TENM2: variants seen among roughly 807,000 people sequenced by gnomAD.
The protein encoded by TENM2 is teneurin transmembrane protein 2, also known as teneurin-2.
Under a neutral mutation model 245.2 loss-of-function variants are expected in TENM2, and 52 were observed. The ratio of observed to expected loss-of-function variants is 0.21; its 90% confidence interval spans 0.17 to 0.27. TENM2 has a LOEUF of 0.27. Ranked by LOEUF, TENM2 falls within the 10% of genes least tolerant of loss-of-function variation. The pLI, the probability that TENM2 is intolerant of heterozygous loss-of-function variation, is 1.00. For missense variants in TENM2, 3,046 were observed against 3,666.8 expected (o/e 0.83, Z 4.37); for synonymous variants, 1,363 against 1,438.9 (o/e 0.95, Z 1.19).
At chr5:167,246,422 A>C in the TENM2 span, among the ~76,000 whole-genome samples, 1 of 152,068 alleles carries the variant, frequency 6.6e-6, no homozygotes, top group African/African-American at 2.4e-5. Context: ...AATTACATAG[A>C]TATATGTCTG....
chr5:167,235,481 G>GA, the TENM2 span, among the ~76,000 whole-genome samples: 4 of 150,510 alleles, frequency 2.7e-5, no homozygotes, highest in East Asian at 2.0e-4. Context: ...GGCTTTATTA[G>GA]AAAAAAAAAA....
intron 2 of TENM2, among the ~76,000 whole-genome samples, chr5:167,646,987 T>G (rs1196643276): frequency 6.6e-6 from 1 of 152,136 alleles, no homozygotes; most frequent in East Asian, 1.9e-4. Flanking sequence ...TTTGGAGATG[T>G]GGGACAATTC....
intron 1 of TENM2, among the ~76,000 whole-genome samples, chr5:167,309,185 G>A (rs1400509968): frequency 6.6e-6 from 1 of 152,140 alleles, no homozygotes; most frequent in Non-Finnish European, 1.5e-5. Flanking sequence ...AAGCAGGTAA[G>A]TTTGCTTTGA....
chr5:167,427,179 C>T (rs1274125559), intron 2 of TENM2, among the ~76,000 whole-genome samples: 5 of 152,118 alleles, frequency 3.3e-5, no homozygotes, highest in South Asian at 4.2e-4. Flanking sequence ...AAAGGCCGGG[C>T]GCGGTGGCTC....
At chr5:167,061,600 T>A in the TENM2 span, among the ~76,000 whole-genome samples, 1 of 152,106 alleles carries the variant, frequency 6.6e-6, no homozygotes, top group African/African-American at 2.4e-5. Flanking sequence ...CAGAGATAAT[T>A]GATAATCACA....
chr5:167,475,890 G>A (rs1315773992), intron 2 of TENM2, among the ~76,000 whole-genome samples: 1 of 151,890 alleles, frequency 6.6e-6, no homozygotes, highest in African/African-American at 2.4e-5. Flanking sequence ...TCTTTATCCA[G>A]TCTATCATTG....
intron 2 of TENM2, among the ~76,000 whole-genome samples, chr5:167,849,925 C>A (rs114699736): frequency 6.6e-6 from 1 of 152,164 alleles, no homozygotes. Flanking sequence ...TCCAGAAGCT[C>A]CCCAAATCCT....
chr5:167,969,424 C>T (rs771115876), intron 4 of TENM2, among the ~76,000 whole-genome samples: 2 of 152,158 alleles, frequency 1.3e-5, no homozygotes, highest in African/African-American at 2.4e-5. Context: ...GCCTCCTCAG[C>T]CATGTGGAAC....
At chr5:167,445,369 A>AGAGAGAGAGAGAGTGAGAGAGAGAGT (rs35699708) in intron 2 of TENM2, among the ~76,000 whole-genome samples, 1 of 98,576 alleles carries the variant, frequency 1.0e-5, no homozygotes, top group Non-Finnish European at 1.9e-5. Context: ...AGAGAGAGAG[A>AGAGAGAGAGAGAGTGAGAGAGAGAGT]GTGTCAGGTG....
chr5:167,857,641 A>C (rs1445855413), intron 2 of TENM2, among the ~76,000 whole-genome samples: 1 of 152,202 alleles, frequency 6.6e-6, no homozygotes, highest in East Asian at 1.9e-4. Context: ...ATCTTGAGAA[A>C]ACCCAATATT....
intron 3 of TENM2, among the ~76,000 whole-genome samples, chr5:167,948,098 T>C (rs1779784935): frequency 6.6e-6 from 1 of 152,212 alleles, no homozygotes; most frequent in Non-Finnish European, 1.5e-5. Context: ...CCCCTGAAAG[T>C]CTTCCTTTAT....
intron 4 of TENM2, among the ~76,000 whole-genome samples, chr5:167,961,063 G>A (rs1442374409): frequency 6.6e-6 from 1 of 152,198 alleles, no homozygotes; most frequent in Non-Finnish European, 1.5e-5. Flanking sequence ...GATGAGCCTA[G>A]TACTTCAGTT....
chr5:167,804,696 C>T (rs149080561), intron 2 of TENM2, among the ~76,000 whole-genome samples: 144 of 152,208 alleles, frequency 9.5e-4, no homozygotes, highest in African/African-American at 3.3e-3. Flanking sequence ...TCTCACAGCT[C>T]AGCCTCTACT....
At chr5:168,090,942 GA>G (rs1792889471) in intron 8 of TENM2, among the ~76,000 whole-genome samples, 173 bp downstream of exon 10, 1 of 152,134 alleles carries the variant, frequency 6.6e-6, no homozygotes, top group Non-Finnish European at 1.5e-5. Flanking sequence ...TGATTAAATG[GA>G]AATGCTGCTT....
intron 2 of TENM2, among the ~76,000 whole-genome samples, chr5:167,474,224 TTAAC>T (rs1271081914): frequency 6.6e-6 from 1 of 152,230 alleles, no homozygotes; most frequent in Non-Finnish European, 1.5e-5. Context: ...ATACAAGATT[TTAAC>T]TATATCATAT....
At chr5:167,557,514 C>T (rs1217949827) in intron 2 of TENM2, among the ~76,000 whole-genome samples, 1 of 152,132 alleles carries the variant, frequency 6.6e-6, no homozygotes, top group Non-Finnish European at 1.5e-5. Flanking sequence ...GGTTATGTAA[C>T]AGTTTAAAGA....
intron 12 of TENM2, among the ~76,000 whole-genome samples, chr5:168,158,827 G>GTATATATATA (rs1321504794): frequency 1.4e-5 from 1 of 69,468 alleles, no homozygotes; most frequent in African/African-American, 5.8e-5. Flanking sequence ...GTGTGTGTGT[G>GTATATATATA]TGTATATATA....
intron 2 of TENM2, among the ~76,000 whole-genome samples, chr5:167,644,632 T>C (rs1002898902): frequency 2.0e-5 from 3 of 152,198 alleles, no homozygotes; most frequent in African/African-American, 7.2e-5. Flanking sequence ...TGTTCCCATA[T>C]GGCAGATGAA....
At chr5:167,123,667 A>G in the TENM2 span, among the ~76,000 whole-genome samples, 1 of 152,176 alleles carries the variant, frequency 6.6e-6, no homozygotes, top group Non-Finnish European at 1.5e-5. Flanking sequence ...AAATATACCT[A>G]TTTAACTCAG....
Sources: gnomAD v4.1 joint callset for allele counts (sites outside exome capture counted in the v4.1 genomes callset) on GRCh38, gnomAD v4.1.1 for gene constraint, MANE v1.5 for transcripts, NCBI Gene and HGNC (gene_info 2026-07-23, HGNC 2026-07-21) for gene names.